The following FRY variants were observed in gnomAD, a reference collection of about 807,000 sequenced individuals.
FRY encodes protein furry homolog.
FRY carries 128 observed loss-of-function variants against 348.4 expected under a neutral mutation model. That is an observed-to-expected ratio of 0.37 (90% CI 0.32 to 0.43). The LOEUF is 0.43. Ranked by LOEUF, FRY falls within the 20% of genes least tolerant of loss-of-function variation. FRY has a pLI of 1.00. For synonymous variants in FRY, 1,370 were observed against 1,374.7 expected (o/e 1.00, Z 0.08); for missense variants, 2,736 against 3,695.2 (o/e 0.74, Z 6.73).
chr13:32,062,855 T>C (rs1174769059), intron 1 of FRY, among the ~76,000 whole-genome samples: 2 of 152,018 alleles, frequency 1.3e-5, no homozygotes, highest in African/African-American at 4.8e-5. Context: ...ATAGTTACCA[T>C]ATGTATTTTA....
At chr13:32,047,586 G>T (rs77698967) in intron 1 of FRY, among the ~76,000 whole-genome samples, 14 of 148,654 alleles carry the variant, frequency 9.4e-5, no homozygotes, top group Non-Finnish European at 1.5e-4. Context: ...TTTTTTGGGG[G>T]GGGTGCAGAG....
chr13:32,235,182 C>G (rs1159658958), intron 42 of FRY, among the ~76,000 whole-genome samples: 1 of 152,202 alleles, frequency 6.6e-6, no homozygotes, highest in Non-Finnish European at 1.5e-5. Flanking sequence ...TGGTTAGTCT[C>G]CAGTAGACTG....
intron 1 of FRY, among the ~76,000 whole-genome samples, chr13:32,062,459 G>C (rs1197992260): frequency 6.6e-6 from 1 of 151,976 alleles, no homozygotes; most frequent in African/African-American, 2.4e-5. Flanking sequence ...AGTACAGTTA[G>C]TAAAGTTTTA....
chr13:32,151,419 T>A (rs1457180759), intron 14 of FRY, among the ~76,000 whole-genome samples: 1 of 152,272 alleles, frequency 6.6e-6, no homozygotes, highest in Non-Finnish European at 1.5e-5. Flanking sequence ...CCCAAAGGCA[T>A]ACCCATAACC....
In FRY at chr13:32,102,136, G is replaced by A. The variant is rs1161629009; in HGVS notation, c.324+120G>A. On this transcript the variant is annotated intron_variant, in intron 3 of 60. Coordinates refer to ENST00000542859, the MANE Select transcript of FRY (RefSeq NM_023037.3). Reference sequence around the variant, plus strand: ...TCCTCAAAAAGTATATGGGTATGTGGTCTTAAGAACTGTACCCTGCAGTTT... The same window carrying A: ...TCCTCAAAAAGTATATGGGTATGTGATCTTAAGAACTGTACCCTGCAGTTT... 4 of 722,918 alleles carry A rather than the reference G, an allele frequency of 5.5e-6. No homozygotes were observed. The South Asian group carries it at 5.8e-5, about 10-fold the overall frequency. The allele number at this position is 722,918 out of a possible 1,614,324, so 44.8% of individuals were successfully genotyped here. A position where few individuals can be genotyped will look rare whatever the true frequency, so the allele number is the denominator to read the frequency against.
chr13:32,175,661 G>T (rs779009255), intron 20 of FRY, 29 bp downstream of exon 20: 4 of 1,185,404 alleles, frequency 3.4e-6, no homozygotes, highest in Admixed American at 3.4e-5. Context: ...CCAATTAATG[G>T]CTCTTAAAAG....
At chr13:32,267,088 C>A in intron 54 of FRY, 82 bp from the exon 55 acceptor site, 1 of 1,306,520 alleles carries the variant, frequency 7.7e-7, no homozygotes, top group Non-Finnish European at 1.1e-6. Flanking sequence ...ATTTTGCTGA[C>A]TCTCAGGGTG....
chr13:32,095,253 T>A (rs1876610140), intron 2 of FRY, among the ~76,000 whole-genome samples: 1 of 151,930 alleles, frequency 6.6e-6, no homozygotes, highest in Admixed American at 6.6e-5. Context: ...TTAATCCATG[T>A]CAGATGCATA....
chr13:32,182,729 G>A (rs1329818250), intron 23 of FRY, among the ~76,000 whole-genome samples: 1 of 152,078 alleles, frequency 6.6e-6, no homozygotes, highest in East Asian at 1.9e-4. Flanking sequence ...TCAAAATCAA[G>A]TCAACAAATA....
At chr13:32,291,543 T>A (rs1250507325) in intron 59 of FRY, among the ~76,000 whole-genome samples, 1 of 151,960 alleles carries the variant, frequency 6.6e-6, no homozygotes, top group Non-Finnish European at 1.5e-5. Flanking sequence ...GTAGCTAGGA[T>A]TACAGGCATG....
At chr13:32,247,601 G>A in intron 48 of FRY, 99 bp downstream of exon 48, 1 of 967,276 alleles carries the variant, frequency 1.0e-6, no homozygotes, top group South Asian at 1.3e-5. Flanking sequence ...TTATTTGACA[G>A]TTATTTCAAA....
chr13:32,037,634 G>A (rs1002840893), intron 1 of FRY, among the ~76,000 whole-genome samples: 20 of 152,164 alleles, frequency 1.3e-4, no homozygotes, highest in Non-Finnish European at 2.6e-4. Flanking sequence ...GAGATGACCC[G>A]GATAATTTTA....
chr13:32,172,280 G>C (rs979197626), intron 18 of FRY, among the ~76,000 whole-genome samples: 1 of 152,140 alleles, frequency 6.6e-6, no homozygotes, highest in African/African-American at 2.4e-5. Context: ...TGTGGATGTA[G>C]ATGTGGATAT....
rs74672012 is a variant in FRY, at chr13:32,039,891, C to T, written c.70+8026C>T. The stretch of plus-strand genomic sequence containing the variant: ...TCTGCATTAAGTGCTTTTATCAACT[C>T]TAATTTGATATACAACTCTGACTGC... On this transcript the variant is annotated intron_variant, in intron 1 of 60. Coordinates refer to ENST00000542859, the MANE Select transcript of FRY (RefSeq NM_023037.3). Among the ~76,000 whole-genome samples the T allele has an allele frequency of 4.3e-4, 65 of 152,322 alleles. 1 individual carries two copies. The East Asian group carries it at 0.011, about 25-fold the overall frequency.
At chr13:32,294,005 C>G (rs1246089724) in intron 59 of FRY, among the ~76,000 whole-genome samples, 8 of 152,338 alleles carry the variant, frequency 5.3e-5, no homozygotes, top group African/African-American at 9.6e-5. Context: ...TGTCCATCTT[C>G]CTACAGTACA....
intron 46 of FRY, among the ~76,000 whole-genome samples, chr13:32,240,290 G>T (rs751376269): frequency 7.9e-5 from 12 of 152,162 alleles, no homozygotes; most frequent in Non-Finnish European, 1.6e-4. Context: ...AGATATAGCT[G>T]CCTCCAAAGC....
chr13:32,117,295 T>A, intron 3 of FRY, 39 bp from the exon 4 acceptor site: 2 of 1,607,046 alleles, frequency 1.2e-6, no homozygotes, highest in South Asian at 2.2e-5. Context: ...TAATTGGCAG[T>A]GCTACCAGTG....
chr13:32,132,796 T>C (rs185282125), intron 8 of FRY, among the ~76,000 whole-genome samples: 104 of 152,264 alleles, frequency 6.8e-4, no homozygotes, highest in African/African-American at 2.5e-3. Context: ...CAAATGTCTA[T>C]AAAATGATGA....
chr13:32,268,684 G>GA, intron 55 of FRY, among the ~76,000 whole-genome samples: 1 of 150,200 alleles, frequency 6.7e-6, no homozygotes, highest in Non-Finnish European at 1.5e-5. Context: ...TATTTTTTGG[G>GA]GGGGTGGGGA....
Sources: allele counts gnomAD v4.1 joint callset (sites outside exome capture counted in the v4.1 genomes callset), GRCh38; gene constraint gnomAD v4.1.1; transcripts MANE v1.5; gene names NCBI Gene and HGNC (gene_info 2026-07-23, HGNC 2026-07-21).